Variants in ZC3H14 observed in about 807,000 individuals in gnomAD.
ZC3H14 encodes zinc finger CCCH-type containing 14.
In ZC3H14, 31 loss-of-function variants were observed where a neutral mutation model predicts 92.4. That is an observed-to-expected ratio of 0.34 (90% CI 0.25 to 0.45). The LOEUF is 0.45. Ranked by LOEUF, ZC3H14 falls within the 20% of genes least tolerant of loss-of-function variation. The probability of loss-of-function intolerance (pLI) is 1.00; values close to 1 mark genes in which losing one functional copy is unlikely to be tolerated. For missense variants in ZC3H14, 781 were observed against 897.3 expected (o/e 0.87, Z 1.66); for synonymous variants, 321 against 300.9 (o/e 1.07, Z -0.69).
intron 9 of ZC3H14, among the ~76,000 whole-genome samples, chr14:88,593,938 C>T (rs1472798413): frequency 6.6e-6 from 1 of 151,180 alleles, no homozygotes; most frequent in Admixed American, 6.6e-5. Flanking sequence ...ATTTAAGAAA[C>T]ACCTGTCTAA....
At chr14:88,563,427 A>C (rs2079125660) in intron 1 of ZC3H14, 2 of 1,427,406 alleles carry the variant, frequency 1.4e-6, no homozygotes, top group African/African-American at 1.5e-5. Flanking sequence ...ACCGCGGCGC[A>C]CGGCGCCGCT....
chr14:88,574,547 A>G, intron 6 of ZC3H14, 146 bp from the exon 7 acceptor site: 1 of 1,028,598 alleles, frequency 9.7e-7, no homozygotes, highest in Non-Finnish European at 1.4e-6. Flanking sequence ...CCAGCCTCAT[A>G]TTTATATTTT....
Position 88,614,572 on chromosome 14 carries a change from C to A in ZC3H14, c.*2821C>A, listed in dbSNP as rs868857798. 6.6e-6 allele frequency: 1 copy of A among 152,132 alleles called. No individual in the cohort carries two copies. The highest frequency in any genetic ancestry group is 1.5e-5 in the Non-Finnish European group (1 of 68,030). 9.4% of individuals were successfully genotyped at this position (152,132 alleles called of 1,614,324 possible). ...AAAGATAATTAACACATTAAAAACT[C>A]ATAGGGTCAATACAGCATCTTAAAC... On this transcript the variant is annotated 3_prime_UTR_variant, in exon 17 of 17. Transcript: ENST00000251038.
chr14:88,593,653 T>G (rs757724479), intron 9 of ZC3H14, among the ~76,000 whole-genome samples: 1 of 152,188 alleles, frequency 6.6e-6, no homozygotes. Context: ...CAGGTGATGC[T>G]GGGACAACTG....
At chr14:88,600,507 A>G (rs967307905) in intron 10 of ZC3H14, among the ~76,000 whole-genome samples, 1 of 151,552 alleles carries the variant, frequency 6.6e-6, no homozygotes, top group Non-Finnish European at 1.5e-5. Flanking sequence ...CAGTGGCACA[A>G]TCCTGCTCAT....
intron 10 of ZC3H14, among the ~76,000 whole-genome samples, chr14:88,600,065 C>T (rs1354184771): frequency 6.6e-6 from 1 of 152,234 alleles, no homozygotes; most frequent in Non-Finnish European, 1.5e-5. Context: ...TTTTCTACTT[C>T]CTCTTAAACA....
At position 88,573,039 on chromosome 14, in the gene ZC3H14, C is replaced by A. The variant is rs1441139544; in HGVS notation, c.861+32C>A. 32 of 1,610,694 alleles carry A rather than the reference C, an allele frequency of 2.0e-5. No homozygotes were observed. In the East Asian group the frequency reaches 6.9e-4, roughly 35 times the overall value. On this transcript the variant is annotated intron_variant, in intron 6 of 16. Coordinates refer to ENST00000251038, the MANE Select transcript of ZC3H14 (RefSeq NM_024824.5). ...ATGTACTTTTAAATTCTGGCTTAGG[C>A]TAAAAATCGGCAGTTCTTGATACCA...
rs906415367 is a variant in ZC3H14, at chr14:88,620,958, T to C, written c.*9207T>C. 5 of 1,422,382 alleles carry C rather than the reference T, an allele frequency of 3.5e-6. No individual in the cohort carries two copies. The African/African-American group carries it at 5.9e-5, about 17-fold the overall frequency. The allele number at this position is 1,422,382 out of a possible 1,614,324, so 88.1% of individuals were successfully genotyped here. ...TTAAAAAAAAAAAAAAAAAGAGTCATAGGAAACATTAAGTGAAGTACTTCT... is the reference window on the plus strand; with the variant it reads ...TTAAAAAAAAAAAAAAAAAGAGTCACAGGAAACATTAAGTGAAGTACTTCT... On this transcript the variant is annotated 3_prime_UTR_variant, in exon 17 of 17. Transcript: ENST00000251038. The surrounding 1 kb of genome is among the most constrained non-coding windows in gnomAD (Gnocchi z 4.3).
chr14:88,571,094 G>T lies in ZC3H14; in HGVS notation c.205G>T (p.Val69Leu). 1 of 1,579,048 alleles carries T rather than the reference G, an allele frequency of 6.3e-7. No homozygotes were observed. Among genetic ancestry groups the T allele is most frequent in the Admixed American group, 1.7e-5 (1 of 57,322 alleles). Residue 69 changes from valine (V) to leucine (L), a missense_variant, in exon 4 of 17, where the codon GTA becomes TTA. By Grantham distance (32) the Val-to-Leu change is conservative (BLOSUM62 1). Transcript: ENST00000251038. ...TIRFTVWLHGVLDKLRSVTTE... is the reference protein window; with the variant it reads ...TIRFTVWLHGLLDKLRSVTTE... ...TGTTTTTTTCCTCAGGCTTCATGGT[G>T]TATTAGATAAACTTCGCTCTGTTAC...
chr14:88,563,522 C>A, intron 1 of ZC3H14, 129 bp from the exon 2 acceptor site: 1 of 1,570,794 alleles, frequency 6.4e-7, no homozygotes, highest in Non-Finnish European at 8.7e-7. Context: ...GCAGGCGAGG[C>A]TCCTCCCAGC....
intron 9 of ZC3H14, among the ~76,000 whole-genome samples, chr14:88,588,965 C>T (rs1251666796): frequency 6.6e-6 from 1 of 152,098 alleles, no homozygotes; most frequent in Non-Finnish European, 1.5e-5. Context: ...ACAGAATCAT[C>T]TCAACTGTCT....
intron 6 of ZC3H14, among the ~76,000 whole-genome samples, chr14:88,573,397 C>A (rs1054884913): frequency 3.0e-4 from 46 of 151,672 alleles, no homozygotes; most frequent in African/African-American, 1.1e-3. Flanking sequence ...AAAGAAAAAA[C>A]AAAAAACAAA....
chr14:88,618,433 T>C lies in ZC3H14; in HGVS notation c.*6682T>C. The C allele has an allele frequency of 8.7e-7, 1 of 1,146,982 alleles. No homozygotes were observed. Among genetic ancestry groups the C allele is most frequent in the Non-Finnish European group, 1.3e-6 (1 of 789,574 alleles). The allele number at this position is 1,146,982 out of a possible 1,614,324, so 71.1% of individuals were successfully genotyped here. On this transcript the variant is annotated 3_prime_UTR_variant, in exon 17 of 17. Coordinates refer to ENST00000251038, the MANE Select transcript of ZC3H14 (RefSeq NM_024824.5). ...AGCATATTGCTACTTGATTTACATG[T>C]CTAACATTATTAAGTATGCAAAAGA...
intron 2 of ZC3H14, among the ~76,000 whole-genome samples, chr14:88,566,655 C>T (rs2079665216): frequency 6.6e-6 from 1 of 152,148 alleles, no homozygotes; most frequent in Non-Finnish European, 1.5e-5. Flanking sequence ...CATGGTGGTT[C>T]ACGCCTGTAA....
intron 9 of ZC3H14, chr14:88,594,549 C>T: frequency 6.9e-7 from 1 of 1,449,122 alleles, no homozygotes; most frequent in South Asian, 1.5e-5. Context: ...AAATGTACAA[C>T]CCCATCTTTT....
intron 13 of ZC3H14, chr14:88,608,675 C>G (rs2086016173): frequency 1.8e-5 from 3 of 164,918 alleles, no homozygotes; most frequent in Non-Finnish European, 3.9e-5. Flanking sequence ...ACGCAGTATA[C>G]ACAGATTTTG....
In ZC3H14 at chr14:88,620,413, T is replaced by C. The variant is rs2088679177; in HGVS notation, c.*8662T>C. ...GATATGTTTGAAATCACAACTTTAG[T>C]TTTCCAGGGTGACAACTTTTGAAGG... On this transcript the variant is annotated 3_prime_UTR_variant, in exon 17 of 17. Transcript: ENST00000251038. The surrounding 1 kb of genome is among the most constrained non-coding windows in gnomAD (Gnocchi z 4.3). The C allele has an allele frequency of 5.3e-6, 1 of 190,002 alleles. No individual in the cohort carries two copies. The highest frequency in any genetic ancestry group is 6.1e-5 in the Admixed American group (1 of 16,450). 11.8% of individuals were successfully genotyped at this position (190,002 alleles called of 1,614,324 possible).
At chr14:88,611,711 ATAAT>A (rs746424769) in intron 16 of ZC3H14, 30 bp from the exon 17 acceptor site, 1 of 1,613,856 alleles carries the variant, frequency 6.2e-7, no homozygotes, top group Non-Finnish European at 8.5e-7. Flanking sequence ...TACAAAGCAG[ATAAT>A]TAAAACAATT....
At chr14:88,596,929 C>A (rs948386107) in intron 10 of ZC3H14, 121 bp downstream of exon 10, 28 of 838,534 alleles carry the variant, frequency 3.3e-5, no homozygotes, top group Non-Finnish European at 5.2e-5. Flanking sequence ...ATATTTAGAT[C>A]TGTGAAAATA....
Sources: gnomAD v4.1 joint callset for allele counts (sites outside exome capture counted in the v4.1 genomes callset) on GRCh38, gnomAD v4.1.1 for gene constraint, Gnocchi (gnomAD v3.1) non-coding constraint, MANE v1.5 for transcripts, NCBI Gene and HGNC (gene_info 2026-07-23, HGNC 2026-07-21) for gene names.